Variants in RGSL1 observed in about 807,000 individuals in gnomAD.
The protein encoded by RGSL1 is regulator of G protein signaling like 1.
RGSL1 carries 97 observed loss-of-function variants against 124.7 expected under a neutral mutation model. That is an observed-to-expected ratio of 0.78 (90% CI 0.66 to 0.92). The LOEUF (loss-of-function observed/expected upper bound fraction) is 0.92, where lower values mean the gene tolerates loss of function less well. RGSL1 is among the 40% of genes least tolerant of loss of function. The probability of loss-of-function intolerance (pLI) is 0.00; values close to 1 mark genes in which losing one functional copy is unlikely to be tolerated. For missense variants in RGSL1, 1,233 were observed against 1,288.4 expected, an observed-to-expected ratio of 0.96 and a Z score of 0.66; for synonymous variants, 424 against 438.1, an observed-to-expected ratio of 0.97 and a Z score of 0.40.
chr1:182,459,749 G>T (rs73057354), intron 3 of RGSL1, among the ~76,000 whole-genome samples: 2,657 of 152,226 alleles, frequency 0.017, 88 homozygotes, highest in African/African-American at 0.061. Flanking sequence ...GGATAAGAAA[G>T]AATTTTTTCA....
chr1:182,556,274 T>C (rs1244684343), intron 21 of RGSL1, 52 bp downstream of exon 21: 1 of 537,590 alleles, frequency 1.9e-6, no homozygotes, highest in Non-Finnish European at 3.3e-6. Context: ...CTACAGTGAG[T>C]TGGGTCAGGA....
chr1:182,517,715 CT>C (rs1658006157), intron 9 of RGSL1, among the ~76,000 whole-genome samples: 1 of 152,092 alleles, frequency 6.6e-6, no homozygotes, highest in African/African-American at 2.4e-5. Context: ...TCCAAGATTT[CT>C]GTTTAATTTC....
At chr1:182,538,113 A>G (rs1659661515) in intron 14 of RGSL1, among the ~76,000 whole-genome samples, 1 of 152,174 alleles carries the variant, frequency 6.6e-6, no homozygotes, top group Non-Finnish European at 1.5e-5. Context: ...TAATTCTCTG[A>G]CAGTCAGTGT....
rs1658380315 is a variant in RGSL1 at position 182,522,024 on chromosome 1, A to T, written c.1846A>T (p.Lys616Ter). The T allele has an allele frequency of 1.9e-6, 3 of 1,543,636 alleles. No individual in the cohort carries two copies. Among genetic ancestry groups the T allele is most frequent in the South Asian group, 2.4e-5 (2 of 82,094 alleles). The change falls in exon 10 of 22, where the codon AAG becomes TAG. Residue 616 changes from lysine (K) to a stop codon, truncating the protein, a stop_gained. Transcript: ENST00000294854. LOFTEE classifies it high-confidence loss of function. ...PKIDFKMEII[K>*]ETKTVSRSNR... ...TTTAGATTTTAAAATGGAAATTATC[A>T]AGGAAACAAAGACAGTTTCACGCTC...
chr1:182,546,947 T>C (rs1660249362), intron 15 of RGSL1, among the ~76,000 whole-genome samples: 2 of 152,210 alleles, frequency 1.3e-5, no homozygotes, highest in South Asian at 4.1e-4. Flanking sequence ...CACTAATCTA[T>C]GCAGTCAGCA....
At chr1:182,509,697 A>G (rs1402801413) in intron 9 of RGSL1, among the ~76,000 whole-genome samples, 41 of 113,420 alleles carry the variant, frequency 3.6e-4, no homozygotes, top group African/African-American at 1.3e-3. Context: ...CCCGGACGGC[A>G]CGGCTGGCCG....
rs115909918 is a variant in RGSL1, at chr1:182,472,433, C to T, written c.339C>T (p.Asn113=). ...ELVDFWILAE[N]ILSIDEMDLE... is the part of the protein sequence containing the mutation. ...TGGATTTCTGGATCCTTGCTGAGAACATCCTGAGCATAGATGAGATGGACC... is the reference window on the plus strand; with the variant it reads ...TGGATTTCTGGATCCTTGCTGAGAATATCCTGAGCATAGATGAGATGGACC... The change falls in exon 5 of 22, where the codon AAC becomes AAT. Residue 113 remains asparagine (N), a synonymous_variant. Transcript: ENST00000294854. 674 of 1,550,850 alleles carry T rather than the reference C, an allele frequency of 4.3e-4. 4 individuals carry two copies. The African/African-American group carries it at 8.7e-3, about 20-fold the overall frequency.
intron 1 of RGSL1, chr1:182,450,521 G>A (rs1219046467): frequency 5.7e-5 from 19 of 335,274 alleles, no homozygotes; most frequent in South Asian, 1.8e-4. Flanking sequence ...TTATTATGGC[G>A]TGGAATGGGT....
intron 10 of RGSL1, among the ~76,000 whole-genome samples, chr1:182,524,741 C>A (rs1308248164): frequency 6.6e-6 from 1 of 152,188 alleles, no homozygotes; most frequent in Non-Finnish European, 1.5e-5. Context: ...AGCCAATGAC[C>A]AGGAGCACTG....
intron 9 of RGSL1, among the ~76,000 whole-genome samples, chr1:182,518,685 A>G (rs1658089105): frequency 6.6e-6 from 1 of 152,150 alleles, no homozygotes; most frequent in Admixed American, 6.5e-5. Flanking sequence ...AAGTTGGGGG[A>G]AAACTTTCCA....
intron 9 of RGSL1, among the ~76,000 whole-genome samples, chr1:182,504,460 G>A (rs182798155): frequency 1.8e-3 from 236 of 131,166 alleles, no homozygotes; most frequent in African/African-American, 6.4e-3. Flanking sequence ...TTTTTCCTGT[G>A]AATGAGCCAT....
chr1:182,553,970 C>G (rs1660715642), intron 19 of RGSL1, among the ~76,000 whole-genome samples: 1 of 152,182 alleles, frequency 6.6e-6, no homozygotes, highest in South Asian at 2.1e-4. Flanking sequence ...CTGGAGGCTC[C>G]TGCTATGAAT....
chr1:182,553,536 A>C lies in RGSL1; in HGVS notation c.3125A>C (p.Gln1042Pro). 6.4e-7 allele frequency: 1 copy of C among 1,551,776 alleles called. No individual in the cohort carries two copies. Among genetic ancestry groups the C allele is most frequent in the Non-Finnish European group, 8.7e-7 (1 of 1,146,924 alleles). Reference protein sequence around the residue: ...QPQREAISSVQNSSSSKLTQP... With the variant: ...QPQREAISSVPNSSSSKLTQP... ...CAACGGGAAGCAATAAGTTCAGTTC[A>C]AAATTGTGAGTTGGAATTGGATCCC... The change falls in exon 19 of 22, where the codon CAA becomes CCA. Residue 1042 changes from glutamine to proline, a missense_variant. Transcript: ENST00000294854.
intron 14 of RGSL1, among the ~76,000 whole-genome samples, chr1:182,539,435 T>C (rs1013679970): frequency 3.3e-5 from 5 of 152,180 alleles, no homozygotes; most frequent in Non-Finnish European, 7.3e-5. Context: ...CCTCCCATTC[T>C]ATATACAACA....
chr1:182,455,292 TAGG>T (rs1176377347), intron 2 of RGSL1, among the ~76,000 whole-genome samples: 2 of 151,878 alleles, frequency 1.3e-5, no homozygotes, highest in Non-Finnish European at 1.5e-5. Flanking sequence ...CATAAAGAAA[TAGG>T]AGGAGGCGGG....
At chr1:182,528,059 C>A (rs1346917428) in intron 11 of RGSL1, among the ~76,000 whole-genome samples, 2 of 152,178 alleles carry the variant, frequency 1.3e-5, no homozygotes, top group Admixed American at 6.5e-5. Context: ...CACAGTTCCA[C>A]ATGGCTGGGG....
At chr1:182,527,814 T>A (rs775658497) in intron 11 of RGSL1, 42 bp downstream of exon 11, 2 of 1,485,800 alleles carry the variant, frequency 1.3e-6, no homozygotes, top group Middle Eastern at 3.7e-4. Context: ...CTCTCTTTAG[T>A]GTCTTAGGAG....
At chr1:182,465,060 G>C (rs1269335174) in intron 4 of RGSL1, among the ~76,000 whole-genome samples, 1 of 147,140 alleles carries the variant, frequency 6.8e-6, no homozygotes, top group Non-Finnish European at 1.5e-5. Flanking sequence ...CTAGGTAACA[G>C]AGCAAGACCC....
intron 9 of RGSL1, among the ~76,000 whole-genome samples, chr1:182,520,239 T>C (rs186796076): frequency 3.2e-4 from 49 of 152,322 alleles, no homozygotes; most frequent in African/African-American, 1.1e-3. Flanking sequence ...GTTTCAAAGC[T>C]AGTTCTCATT....
Sources: allele counts gnomAD v4.1 joint callset (sites outside exome capture counted in the v4.1 genomes callset), GRCh38; gene constraint gnomAD v4.1.1; transcripts MANE v1.5; gene names NCBI Gene and HGNC (gene_info 2026-07-23, HGNC 2026-07-21).